The following SPATA13 variants were observed in gnomAD, a reference collection of about 807,000 sequenced individuals.
SPATA13 encodes spermatogenesis associated 13.
A neutral mutation model predicts 104.0 loss-of-function variants in SPATA13; 50 were observed. That is an observed-to-expected ratio of 0.48 (90% CI 0.38 to 0.61). The LOEUF (loss-of-function observed/expected upper bound fraction) is 0.61, where lower values mean the gene tolerates loss of function less well. SPATA13 is among the 20% of genes least tolerant of loss of function. SPATA13 has a pLI of 0.00. For synonymous variants in SPATA13, 606 were observed against 667.5 expected, an observed-to-expected ratio of 0.91 and a Z score of 1.42; for missense variants, 1,524 against 1,690.6, an observed-to-expected ratio of 0.90 and a Z score of 1.73.
chr13:24,029,755 T>C (rs75972978), intron 3 of SPATA13, among the ~76,000 whole-genome samples: 7 of 152,232 alleles, frequency 4.6e-5, no homozygotes, highest in African/African-American at 1.7e-4. Flanking sequence ...AGTTAATTTT[T>C]TGAGTCCTCT....
chr13:24,196,427 A>G (rs776292150), intron 1 of SPATA13, among the ~76,000 whole-genome samples: 1 of 152,220 alleles, frequency 6.6e-6, no homozygotes, highest in Non-Finnish European at 1.5e-5. Flanking sequence ...CAATAAAAAT[A>G]CCTGTACCTT....
intron 1 of SPATA13, among the ~76,000 whole-genome samples, chr13:24,172,071 A>G (rs949819680): frequency 6.6e-6 from 1 of 152,154 alleles, no homozygotes; most frequent in Non-Finnish European, 1.5e-5. Context: ...TCCCATCACC[A>G]CAGGATCCCT....
intron 4 of SPATA13, among the ~76,000 whole-genome samples, chr13:24,263,800 G>A (rs1057389996): frequency 2.0e-5 from 3 of 152,214 alleles, no homozygotes; most frequent in East Asian, 1.9e-4. Context: ...CTTACAAAAC[G>A]AGATGAATCA....
chr13:24,209,802 A>G (rs1325465934), intron 1 of SPATA13, among the ~76,000 whole-genome samples: 1 of 152,156 alleles, frequency 6.6e-6, no homozygotes, highest in East Asian at 1.9e-4. Flanking sequence ...TTGCTGTATC[A>G]TATGGTAGTT....
rs1229558287 is a variant in SPATA13 at position 24,161,433 on chromosome 13, T to C, written c.-112+501T>C. Among the ~76,000 whole-genome samples the C allele has an allele frequency of 6.6e-6, 1 of 152,182 alleles. No homozygotes were observed. The highest frequency in any genetic ancestry group is 1.5e-5 in the Non-Finnish European group (1 of 68,024). ...GCTTAGTTTAGAAAGCAAGTTTCTC[T>C]TGGTACCAGCGGAGTCTCGTCCCAG... On this transcript the variant is annotated intron_variant, in intron 1 of 12. Coordinates refer to ENST00000382108, the MANE Select transcript of SPATA13 (RefSeq NM_001166271.3). The surrounding 1 kb of genome is among the most constrained non-coding windows in gnomAD (Gnocchi z 4.5).
rs1882027051 is a variant in SPATA13 at position 24,149,265 on chromosome 13, TACA to T, written c.-111-73548_-111-73546del. Among the ~76,000 whole-genome samples, 3 of 152,220 alleles carry T rather than the reference TACA, an allele frequency of 2.0e-5. No individual in the cohort carries two copies. In the South Asian group the frequency reaches 6.2e-4, roughly 32 times the overall value. ...TTAGCAAATTTCCACCAGAATTAAA[TACA>T]ACAACCCAAGAGAGAAGAGAGAACA... On this transcript the variant is annotated intron_variant, in intron 3 of 14. Coordinates refer to the SPATA13 transcript ENST00000424834.
intron 1 of SPATA13, among the ~76,000 whole-genome samples, chr13:24,177,075 A>G (rs1276540024): frequency 1.3e-5 from 2 of 152,092 alleles, no homozygotes; most frequent in African/African-American, 4.8e-5. Context: ...TGTAGTATAT[A>G]CTTTTGTTAG....
In SPATA13 at chr13:24,221,806, A is replaced by G. The variant is rs549046914; in HGVS notation, c.-111-1013A>G. On this transcript the variant is annotated intron_variant, in intron 1 of 12. Coordinates refer to ENST00000382108, the MANE Select transcript of SPATA13 (RefSeq NM_001166271.3). ...GTTTAATTTGAATTCTTACCTCTGA[A>G]TTTTTTTTTTTTTTTTTTTTGAGAC... Among the ~76,000 whole-genome samples the G allele has an allele frequency of 1.6e-4, 19 of 122,430 alleles. No homozygotes were observed. In the South Asian group the frequency reaches 4.8e-3, roughly 31 times the overall value. The allele number at this position is 122,430 out of a possible 152,430, so 80.3% of individuals were successfully genotyped here.
intron 3 of SPATA13, among the ~76,000 whole-genome samples, chr13:24,072,861 G>A (rs942044785): frequency 6.2e-5 from 7 of 113,420 alleles, no homozygotes; most frequent in Non-Finnish European, 1.2e-4. Flanking sequence ...CTTAAGTGTA[G>A]TCTAAGTTGA....
chr13:24,179,357 T>C (rs1156993150), intron 1 of SPATA13, among the ~76,000 whole-genome samples: 2 of 152,220 alleles, frequency 1.3e-5, no homozygotes, highest in African/African-American at 4.8e-5. Flanking sequence ...TGCCAGACTA[T>C]TTCTCAAGCA....
At chr13:24,021,362 T>G (rs1160374975) in intron 3 of SPATA13, among the ~76,000 whole-genome samples, 9 of 152,262 alleles carry the variant, frequency 5.9e-5, no homozygotes, top group African/African-American at 2.2e-4. Context: ...AGACAGTGAG[T>G]TGCACCTGTA....
intron 1 of SPATA13, among the ~76,000 whole-genome samples, chr13:24,201,067 A>G (rs892283244): frequency 6.7e-6 from 1 of 150,136 alleles, no homozygotes; most frequent in South Asian, 2.1e-4. Context: ...ACACACACAC[A>G]GAGTTTGGAT....
intron 3 of SPATA13, among the ~76,000 whole-genome samples, chr13:24,057,135 G>T (rs560155445): frequency 5.6e-4 from 84 of 150,306 alleles, no homozygotes; most frequent in African/African-American, 2.0e-3. Flanking sequence ...CAATGTGCAG[G>T]TTTGTTACAT....
At chr13:24,087,692 G>A (rs1204743463) in intron 3 of SPATA13, among the ~76,000 whole-genome samples, 4 of 152,252 alleles carry the variant, frequency 2.6e-5, no homozygotes, top group East Asian at 1.9e-4. Context: ...CTACACACAC[G>A]CTTCTCTAGG....
Position 24,116,111 on chromosome 13 carries a change from A to G in SPATA13, c.-112+98410A>G, listed in dbSNP as rs117880856. 4.3e-3 allele frequency among the ~76,000 whole-genome samples: 654 copies of G among 152,372 alleles called. 3 individuals are homozygous for G. Among genetic ancestry groups the G allele is most frequent in the Admixed American group, 8.0e-3 (123 of 15,310 alleles). ...TAGACCATTCAGGCTGCTATGACAG[A>G]ACACCATGAACTGAGTGGCTCATGA... On this transcript the variant is annotated intron_variant, in intron 3 of 14. Transcript: ENST00000424834.
chr13:24,052,583 C>T (rs1047506971), intron 3 of SPATA13, among the ~76,000 whole-genome samples: 1 of 151,474 alleles, frequency 6.6e-6, no homozygotes, highest in African/African-American at 2.4e-5. Context: ...CTCACCCTCC[C>T]GTTTCCAGAT....
chr13:23,988,053 C>T (rs1875236951), intron 2 of SPATA13, among the ~76,000 whole-genome samples: 1 of 151,864 alleles, frequency 6.6e-6, no homozygotes, highest in Non-Finnish European at 1.5e-5. Flanking sequence ...AGGCAATTCT[C>T]CTGCCTCAGC....
intron 3 of SPATA13, chr13:24,122,843 A>G (rs1227162620): frequency 3.4e-5 from 26 of 773,202 alleles, no homozygotes; most frequent in Non-Finnish European, 5.3e-5. Context: ...AGATCTCCTC[A>G]TAGAATTCTA....
chr13:24,152,974 C>T (rs560370347), intron 3 of SPATA13, among the ~76,000 whole-genome samples: 1 of 152,360 alleles, frequency 6.6e-6, no homozygotes, highest in African/African-American at 2.4e-5. Flanking sequence ...CAATACACAG[C>T]GTAGCTGAAT....
Sources: allele counts gnomAD v4.1 joint callset (sites outside exome capture counted in the v4.1 genomes callset), GRCh38; gene constraint gnomAD v4.1.1; non-coding constraint Gnocchi (gnomAD v3.1); transcripts MANE v1.5; gene names NCBI Gene and HGNC (gene_info 2026-07-23, HGNC 2026-07-21).